CDH23: variants seen among roughly 807,000 people sequenced by gnomAD.
The protein encoded by CDH23 is cadherin-23.
A neutral mutation model predicts 317.1 loss-of-function variants in CDH23; 189 were observed. The ratio of observed to expected loss-of-function variants is 0.60; its 90% CI spans 0.53 to 0.67. CDH23 has a LOEUF of 0.67. CDH23 is among the 30% of genes least tolerant of loss of function. The pLI is 0.00. For missense variants in CDH23, 4,401 were observed against 4,592.4 expected (o/e 0.96, Z 1.20); for synonymous variants, 1,839 against 1,876.8 (o/e 0.98, Z 0.52).
chr10:71,686,951 C>T (rs1036415080), intron 18 of CDH23, among the ~76,000 whole-genome samples: 3 of 152,170 alleles, frequency 2.0e-5, no homozygotes, highest in Non-Finnish European at 2.9e-5. Context: ...AGAAGTTGCC[C>T]ACCCTACCCT....
At chr10:71,794,183 G>A (rs1013235926) in intron 48 of CDH23, among the ~76,000 whole-genome samples, 9 of 152,126 alleles carry the variant, frequency 5.9e-5, no homozygotes, top group Admixed American at 1.3e-4. Context: ...TGTATTTTTA[G>A]TAGAGACATG....
intron 14 of CDH23, among the ~76,000 whole-genome samples, chr10:71,664,015 A>G (rs9415029): frequency 0.25 from 26,811 of 106,128 alleles, 2,888 homozygotes; most frequent in East Asian, 0.52. Flanking sequence ...AAAAAAAAAA[A>G]GGATTACGGA....
intron 30 of CDH23, 138 bp from the exon 31 acceptor site, chr10:71,730,331 C>A: frequency 1.9e-6 from 2 of 1,063,884 alleles, no homozygotes; most frequent in Non-Finnish European, 2.6e-6. Flanking sequence ...ACCCACCAGA[C>A]AGGCCTGGGG....
At chr10:71,517,231 G>A (rs2132220376) in intron 6 of CDH23, among the ~76,000 whole-genome samples, 1 of 152,352 alleles carries the variant, frequency 6.6e-6, no homozygotes, top group South Asian at 2.1e-4. Flanking sequence ...GTGAGGAGCG[G>A]TGAGGCCTAG....
intron 14 of CDH23, among the ~76,000 whole-genome samples, chr10:71,667,479 T>C (rs2132647969): frequency 6.6e-6 from 1 of 150,740 alleles, no homozygotes; most frequent in Non-Finnish European, 1.5e-5. Context: ...AAAGGAAAGT[T>C]TCTAGGAGAG....
chr10:71,703,141 A>G (rs2132734951), intron 24 of CDH23, among the ~76,000 whole-genome samples: 1 of 152,306 alleles, frequency 6.6e-6, no homozygotes, highest in Non-Finnish European at 1.5e-5. Flanking sequence ...AGACTTGCCC[A>G]AGACCCCTTG....
At chr10:71,588,846 C>T (rs1859264191) in intron 9 of CDH23, among the ~76,000 whole-genome samples, 2 of 152,326 alleles carry the variant, frequency 1.3e-5, no homozygotes, top group South Asian at 4.1e-4. Context: ...GCTGTAGGCA[C>T]CCTCTCTAGC....
intron 3 of CDH23, among the ~76,000 whole-genome samples, chr10:71,483,345 G>A (rs754539074): frequency 3.3e-4 from 50 of 152,244 alleles, no homozygotes; most frequent in Non-Finnish European, 6.3e-4. Context: ...GGCCCAGGCA[G>A]CGGGGTGGGA....
intron 1 of CDH23, among the ~76,000 whole-genome samples, chr10:71,399,509 C>T (rs994175483): frequency 6.6e-6 from 1 of 152,188 alleles, no homozygotes; most frequent in Non-Finnish European, 1.5e-5. Flanking sequence ...CCACCACTGG[C>T]CCCTTCGGGT....
chr10:71,540,668 C>T (rs946993318), intron 6 of CDH23, among the ~76,000 whole-genome samples: 2 of 152,100 alleles, frequency 1.3e-5, no homozygotes, highest in African/African-American at 2.4e-5. Flanking sequence ...CTCCACCTAC[C>T]GTCTCTCAGT....
chr10:71,681,548 A>T (rs1033375346), intron 17 of CDH23, among the ~76,000 whole-genome samples: 5 of 152,188 alleles, frequency 3.3e-5, no homozygotes, highest in Admixed American at 6.6e-5. Context: ...CCTAACCCCG[A>T]GTACCTCCCC....
intron 1 of CDH23, among the ~76,000 whole-genome samples, chr10:71,415,964 C>A (rs1848516906): frequency 6.6e-6 from 1 of 152,162 alleles, no homozygotes; most frequent in Non-Finnish European, 1.5e-5. Flanking sequence ...AGTGTTTATT[C>A]TGTTATTGTA....
chr10:71,629,917 A>T (rs1861922255), intron 11 of CDH23, among the ~76,000 whole-genome samples: 2 of 152,194 alleles, frequency 1.3e-5, no homozygotes, highest in South Asian at 4.1e-4. Flanking sequence ...TGGTTGTACA[A>T]CCCAGTGAAT....
At chr10:71,584,581 G>A (rs143673749) in intron 9 of CDH23, among the ~76,000 whole-genome samples, 531 of 62,404 alleles carry the variant, frequency 8.5e-3, no homozygotes, top group Middle Eastern at 0.034. Context: ...TGTGTACGCA[G>A]GGAGAATAAT....
chr10:71,644,236 T>C (rs561644246), intron 12 of CDH23, among the ~76,000 whole-genome samples: 1 of 152,346 alleles, frequency 6.6e-6, no homozygotes, highest in Non-Finnish European at 1.5e-5. Flanking sequence ...GCGGCTTGCC[T>C]GGACCCCAGA....
chr10:71,732,202 G>A lies in CDH23; in HGVS notation c.3931G>A (p.Val1311Met), dbSNP rs767739689. 21 of 1,613,620 alleles carry A rather than the reference G, an allele frequency of 1.3e-5. No individual in the cohort carries two copies. The highest frequency in any genetic ancestry group is 9.9e-5 in the South Asian group (9 of 91,040). ...ITLLNELDEA[V>M]QFSNASYEAA... is the part of the protein sequence containing the mutation. ...TCTGCTCAACGAGCTGGACGAGGCC[G>A]TGCAGTTCTCCAATGCCTCATACGA... The change falls in exon 32 of 70, where the codon GTG becomes ATG. Residue 1311 changes from valine to methionine, a missense_variant. Val to Met is a conservative substitution (Grantham distance 21). Transcript: ENST00000224721.
intron 11 of CDH23, among the ~76,000 whole-genome samples, chr10:71,625,537 T>A (rs1333902150): frequency 1.3e-5 from 2 of 152,116 alleles, no homozygotes; most frequent in African/African-American, 4.8e-5. Context: ...CATCTCAGTC[T>A]TTATTTTTAT....
chr10:71,574,181 T>TC (rs1163520374), intron 8 of CDH23, among the ~76,000 whole-genome samples: 2 of 142,714 alleles, frequency 1.4e-5, no homozygotes, highest in Admixed American at 1.4e-4. Context: ...TCTCCCCAAC[T>TC]CCCCCTCTTT....
rs144530593 is a variant in CDH23, at chr10:71,434,049, C to T, written c.-5-5778C>T. Among the ~76,000 whole-genome samples the T allele has an allele frequency of 2.5e-3, 387 of 152,278 alleles. 2 individuals carry two copies. The highest frequency in any genetic ancestry group is 9.0e-3 in the African/African-American group (375 of 41,572). On this transcript the variant is annotated intron_variant, in intron 1 of 69. Transcript: ENST00000224721. Reference sequence around the variant, plus strand: ...TGCCCTCATCTCCTGCAACTCTTCCCGCTGTGCACCCCTTCCAGCCACGCT... The same window carrying T: ...TGCCCTCATCTCCTGCAACTCTTCCTGCTGTGCACCCCTTCCAGCCACGCT...
Sources: gnomAD v4.1 joint callset for allele counts (sites outside exome capture counted in the v4.1 genomes callset) on GRCh38, gnomAD v4.1.1 for gene constraint, MANE v1.5 for transcripts, NCBI Gene and HGNC (gene_info 2026-07-23, HGNC 2026-07-21) for gene names.